Variants in GTF2F2 observed in about 807,000 individuals in gnomAD.
GTF2F2 encodes ATP-dependent helicase GTF2F2.
GTF2F2 carries 23 observed loss-of-function variants against 42.2 expected under a neutral mutation model. The observed-to-expected ratio is 0.55, with a 90% CI of 0.39 to 0.77. GTF2F2 has a LOEUF of 0.77. GTF2F2 is among the 30% of genes least tolerant of loss of function. GTF2F2 has a pLI of 0.00. For synonymous variants in GTF2F2, 105 were observed against 100.8 expected (o/e 1.04, Z -0.25); for missense variants, 261 against 287.2 (o/e 0.91, Z 0.66).
At chr13:45,257,800 A>C (rs868534215) in intron 6 of GTF2F2, among the ~76,000 whole-genome samples, 13 of 152,288 alleles carry the variant, frequency 8.5e-5, no homozygotes, top group African/African-American at 2.9e-4. Context: ...CTCCTGTGCT[A>C]GTCGGTCGTT....
At chr13:45,198,207 A>T (rs1352720012) in intron 4 of GTF2F2, among the ~76,000 whole-genome samples, 1 of 152,254 alleles carries the variant, frequency 6.6e-6, no homozygotes, top group Non-Finnish European at 1.5e-5. Context: ...TACCATCTGC[A>T]TAAGGCAGAA....
intron 7 of GTF2F2, among the ~76,000 whole-genome samples, chr13:45,273,012 C>T (rs550632242): frequency 4.0e-5 from 6 of 149,120 alleles, no homozygotes; most frequent in South Asian, 2.1e-4. Context: ...CTGCAACCTC[C>T]GCCTCCCGAG....
At chr13:45,253,074 A>G in intron 6 of GTF2F2, 104 bp downstream of exon 6, 1 of 526,120 alleles carries the variant, frequency 1.9e-6, no homozygotes, top group Non-Finnish European at 3.4e-6. Context: ...ACACCTTGCC[A>G]TCAGGTGCTT....
intron 5 of GTF2F2, among the ~76,000 whole-genome samples, chr13:45,251,735 G>C (rs1324270767): frequency 1.3e-5 from 2 of 151,716 alleles, no homozygotes; most frequent in Non-Finnish European, 2.9e-5. Flanking sequence ...TCTCAGTGAG[G>C]ATCTATAAAT....
intron 1 of GTF2F2, among the ~76,000 whole-genome samples, chr13:45,128,814 G>C (rs911183667): frequency 6.6e-6 from 1 of 151,900 alleles, no homozygotes; most frequent in Non-Finnish European, 1.5e-5. Context: ...GGGTGGTCTC[G>C]AACTCCTGGC....
In GTF2F2 at chr13:45,187,905, A is replaced by G. The variant is rs530325383; in HGVS notation, c.305-19519A>G. 6.6e-5 allele frequency among the ~76,000 whole-genome samples: 10 copies of G among 152,188 alleles called. No homozygotes were observed. In the East Asian group the frequency reaches 1.9e-3, roughly 29 times the overall value. On this transcript the variant is annotated intron_variant, in intron 4 of 7. Transcript: ENST00000340473. ...AGCATTATCACATATGTAACTCCTT[A>G]CTGATTTTATTTATTTGTTTGAGAT...
intron 5 of GTF2F2, among the ~76,000 whole-genome samples, chr13:45,216,432 T>C (rs1873891653): frequency 6.6e-6 from 1 of 152,164 alleles, no homozygotes; most frequent in African/African-American, 2.4e-5. Flanking sequence ...GTTCCGTGGT[T>C]AGTGACTCTC....
chr13:45,183,907 G>A (rs1316057398), intron 4 of GTF2F2, among the ~76,000 whole-genome samples: 1 of 151,802 alleles, frequency 6.6e-6, no homozygotes, highest in Non-Finnish European at 1.5e-5. Context: ...CCAGGCTAGG[G>A]TACAGTGGCA....
At chr13:45,177,621 C>T (rs1384625537) in intron 4 of GTF2F2, among the ~76,000 whole-genome samples, 3 of 152,074 alleles carry the variant, frequency 2.0e-5, no homozygotes, top group Non-Finnish European at 2.9e-5. Flanking sequence ...CCTTATTTTA[C>T]TTAATAATGG....
intron 4 of GTF2F2, among the ~76,000 whole-genome samples, chr13:45,175,543 A>G (rs1871834815): frequency 6.6e-6 from 1 of 151,924 alleles, no homozygotes; most frequent in African/African-American, 2.4e-5. Context: ...CATTTTTGTT[A>G]TTATCTTAAA....
At chr13:45,281,471 G>A (rs1333368790) in intron 7 of GTF2F2, among the ~76,000 whole-genome samples, 2 of 152,232 alleles carry the variant, frequency 1.3e-5, no homozygotes, top group African/African-American at 4.8e-5. Flanking sequence ...GAGGCTCAGA[G>A]AACGAAGCAA....
At chr13:45,198,760 G>C (rs1315012047) in intron 4 of GTF2F2, among the ~76,000 whole-genome samples, 2 of 151,388 alleles carry the variant, frequency 1.3e-5, no homozygotes, top group Non-Finnish European at 2.9e-5. Context: ...TTCACAAGCT[G>C]AGTTTCTTTT....
rs1279652527 is a variant in GTF2F2 at position 45,241,185 on chromosome 13, AT to A, written c.387-11685del. On this transcript the variant is annotated intron_variant, in intron 5 of 7. Coordinates refer to ENST00000340473, the MANE Select transcript of GTF2F2 (RefSeq NM_004128.3). The stretch of plus-strand genomic sequence containing the variant: ...TTAAAAAAAAGTAAATAAATATAAA[AT>A]ATATATATATATATATATATCTGCA... Among the ~76,000 whole-genome samples the A allele has an allele frequency of 2.3e-4, 13 of 57,296 alleles. No individual in the cohort carries two copies. The African/African-American group carries it at 2.3e-3, about 10-fold the overall frequency. The allele number at this position is 57,296 out of a possible 152,430, so 37.6% of individuals were successfully genotyped here.
rs1396535400 is a variant in GTF2F2, at chr13:45,259,329, G to A, written c.486+6359G>A. ...TAATCCCAGCTACTTGGGAGGCTGA[G>A]GCAGGAGAATTGCTTGAACCCGGGA... On this transcript the variant is annotated intron_variant, in intron 6 of 7. Transcript: ENST00000340473. Among the ~76,000 whole-genome samples the A allele has an allele frequency of 5.9e-5, 9 of 152,246 alleles. No homozygotes were observed. The East Asian group carries it at 1.7e-3, about 30-fold the overall frequency.
chr13:45,173,307 A>G (rs1023869398), intron 4 of GTF2F2, among the ~76,000 whole-genome samples: 9 of 151,966 alleles, frequency 5.9e-5, no homozygotes, highest in African/African-American at 2.2e-4. Context: ...ACTGACATTG[A>G]TATTGACATT....
At chr13:45,279,601 C>T (rs765375666) in intron 7 of GTF2F2, among the ~76,000 whole-genome samples, 4 of 152,124 alleles carry the variant, frequency 2.6e-5, no homozygotes, top group Non-Finnish European at 2.9e-5. Flanking sequence ...GTGATGTGCA[C>T]GCAGGCACTA....
chr13:45,139,188 G>A (rs1239715000), intron 2 of GTF2F2, among the ~76,000 whole-genome samples: 2 of 152,178 alleles, frequency 1.3e-5, no homozygotes, highest in Admixed American at 1.3e-4. Context: ...AATGTAGGAT[G>A]TACCCAGCTG....
chr13:45,179,809 C>T lies in GTF2F2; in HGVS notation c.305-27615C>T, dbSNP rs184307226. Among the ~76,000 whole-genome samples, 177 of 151,886 alleles carry T rather than the reference C, an allele frequency of 1.2e-3. 1 individual carries two copies. Among genetic ancestry groups the T allele is most frequent in the Middle Eastern group, 0.01 (3 of 294 alleles). The stretch of plus-strand genomic sequence containing the variant: ...GAGATTTTATCTAAATTAAGTTAGC[C>T]CACCATTATAGAGAATATAGACCAG... On this transcript the variant is annotated intron_variant, in intron 4 of 7. Coordinates refer to ENST00000340473, the MANE Select transcript of GTF2F2 (RefSeq NM_004128.3).
chr13:45,275,634 A>C (rs1877001407), intron 7 of GTF2F2, among the ~76,000 whole-genome samples: 2 of 151,828 alleles, frequency 1.3e-5, no homozygotes. Flanking sequence ...ACATGAACTC[A>C]TCCTTTTTTA....
Sources: allele counts gnomAD v4.1 joint callset (sites outside exome capture counted in the v4.1 genomes callset), GRCh38; gene constraint gnomAD v4.1.1; transcripts MANE v1.5; gene names NCBI Gene and HGNC (gene_info 2026-07-23, HGNC 2026-07-21).